STXBP2: variants seen among roughly 807,000 people sequenced by gnomAD.
STXBP2 encodes syntaxin-binding protein 2.
In STXBP2, 47 loss-of-function variants were observed where a neutral mutation model predicts 72.2. That is an observed-to-expected ratio of 0.65 (90% confidence interval 0.51 to 0.83). The LOEUF (loss-of-function observed/expected upper bound fraction) is 0.83, where lower values mean the gene tolerates loss of function less well. Among genes scored for constraint, STXBP2 ranks in the 40% least tolerant of loss-of-function variants. The pLI is 0.00. For synonymous variants in STXBP2, 367 were observed against 338.7 expected, an observed-to-expected ratio of 1.08 and a Z score of -0.92; for missense variants, 702 against 807.6, an observed-to-expected ratio of 0.87 and a Z score of 1.58.
At position 7,644,186 on chromosome 19, in the gene STXBP2, C is replaced by CCTGGGTGAGGGGTGGAGCCTT. The variant is rs1568469471; in HGVS notation, c.1108-428_1108-427insCTGGGTGAGGGGTGGAGCCTT. On this transcript the variant is annotated intron_variant, in intron 13 of 18. Coordinates refer to ENST00000221283, the MANE Select transcript of STXBP2 (RefSeq NM_006949.4). ...GGGACCTGGGTGAGGGGTGGAGCCT[C>CCTGGGTGAGGGGTGGAGCCTT]GGAGAGGTGGGACCTGGGTGAGGTG... 3.7e-4 allele frequency among the ~76,000 whole-genome samples: 14 copies of CCTGGGTGAGGGGTGGAGCCTT among 37,404 alleles called. 2 individuals carry two copies. Among genetic ancestry groups the CCTGGGTGAGGGGTGGAGCCTT allele is most frequent in the Non-Finnish European group, 5.2e-4 (11 of 21,148 alleles). The allele number at this position is 37,404 out of a possible 152,430, so 24.5% of individuals were successfully genotyped here.
intron 6 of STXBP2, chr19:7,641,298 A>G: frequency 2.0e-6 from 1 of 500,760 alleles, no homozygotes; most frequent in South Asian, 2.0e-5. Flanking sequence ...TGAGCCCGGG[A>G]GGTCGAGGCT....
intron 13 of STXBP2, chr19:7,644,354 C>T: frequency 3.7e-6 from 2 of 540,174 alleles, no homozygotes; most frequent in Non-Finnish European, 6.7e-6. Flanking sequence ...GGGGTGGAGC[C>T]TTGGAGAGGT....
upstream of STXBP2, chr19:7,633,554 C>T: frequency 2.5e-6 from 3 of 1,223,816 alleles, no homozygotes; most frequent in Non-Finnish European, 3.5e-6. Flanking sequence ...GTGGATTCCC[C>T]CCATCCCCAA....
Position 7,647,871 on chromosome 19 carries a change from C to A in STXBP2, c.*61C>A. 1 of 1,416,704 alleles carries A rather than the reference C, an allele frequency of 7.1e-7. No homozygotes were observed. The highest frequency in any genetic ancestry group is 9.9e-7 in the Non-Finnish European group (1 of 1,009,322). The allele number at this position is 1,416,704 out of a possible 1,614,324, so 87.8% of individuals were successfully genotyped here. On this transcript the variant is annotated 3_prime_UTR_variant, in exon 19 of 19. Coordinates refer to ENST00000221283, the MANE Select transcript of STXBP2 (RefSeq NM_006949.4). ...GAAATAAACTCTTCCCGTCGCTCTG[C>A]CAGCCAGTGCCTACCTCACCTTCTT...
the STXBP2 span, chr19:7,631,067 G>A: frequency 4.0e-6 from 3 of 744,932 alleles, no homozygotes; most frequent in Non-Finnish European, 4.2e-6. Flanking sequence ...ACTTAGCCAG[G>A]CATGGTGGCA....
intron 4 of STXBP2, 51 bp downstream of exon 4, chr19:7,639,858 G>A (rs770362548): frequency 6.4e-7 from 1 of 1,574,222 alleles, no homozygotes; most frequent in South Asian, 1.1e-5. Flanking sequence ...GTGTACATGT[G>A]CATGTGTGTG....
chr19:7,629,828 A>G, the STXBP2 span: 1 of 1,536,738 alleles, frequency 6.5e-7, no homozygotes, highest in Middle Eastern at 1.7e-4. Flanking sequence ...GACCGGGAGA[A>G]ACGAGATGGG....
chr19:7,640,353 T>TGG (rs1568465236), intron 4 of STXBP2: 1 of 562,030 alleles, frequency 1.8e-6, no homozygotes. Flanking sequence ...TATGCGTCTG[T>TGG]GCATGTGTGT....
chr19:7,638,850 G>C (rs2146206394), intron 2 of STXBP2, 75 bp downstream of exon 2: 3 of 1,603,544 alleles, frequency 1.9e-6, no homozygotes, highest in Non-Finnish European at 2.6e-6. Flanking sequence ...CTGAATGTGG[G>C]ACCCCCAAGA....
At chr19:7,634,734 G>A (rs922571328), upstream of STXBP2, among the ~76,000 whole-genome samples, 1 of 152,166 alleles carries the variant, frequency 6.6e-6, no homozygotes, top group African/African-American at 2.4e-5. Context: ...TGAAATGAAG[G>A]TGTTGGCAGA....
Position 7,640,899 on chromosome 19 carries a change from G to C in STXBP2, c.326-1G>C, listed in dbSNP as rs2031844309. 5.0e-6 allele frequency: 8 copies of C among 1,614,198 alleles called. No individual in the cohort carries two copies. The highest frequency in any genetic ancestry group is 4.2e-6 in the Non-Finnish European group (5 of 1,180,018). On this transcript the variant is annotated splice_acceptor_variant, in intron 5 of 18. Coordinates refer to ENST00000221283, the MANE Select transcript of STXBP2 (RefSeq NM_006949.4). LOFTEE classifies it high-confidence loss of function. Reference sequence around the variant, plus strand: ...GATGCCCCACTCCTGCCTCACCCCAGCCTGCCCCGAGCCCCTGTTCAGTGA... The same window carrying C: ...GATGCCCCACTCCTGCCTCACCCCACCCTGCCCCGAGCCCCTGTTCAGTGA...
chr19:7,637,285 T>C, intron 1 of STXBP2, 99 bp downstream of exon 1: 9 of 768,762 alleles, frequency 1.2e-5, no homozygotes, highest in Non-Finnish European at 1.4e-5. Flanking sequence ...GGCTGGGAGT[T>C]GGGGGCCGGG....
At chr19:7,633,299 G>A (rs1050619912), upstream of STXBP2, 12 of 1,139,870 alleles carry the variant, frequency 1.1e-5, no homozygotes, top group Non-Finnish European at 1.5e-5. Context: ...CTGGGTCAGG[G>A]GGTCCTAGGA....
intron 4 of STXBP2, chr19:7,640,464 ATC>A (rs780247737): frequency 3.3e-4 from 206 of 631,474 alleles, no homozygotes; most frequent in African/African-American, 2.1e-3. Flanking sequence ...ATGTGTGTGC[ATC>A]TCTGTGTGTG....
intron 4 of STXBP2, chr19:7,640,210 ATGTGTCTGCGTC>A (rs1406415555): frequency 1.9e-5 from 9 of 470,424 alleles, no homozygotes; most frequent in South Asian, 4.8e-5. Flanking sequence ...GTGTGTATGT[ATGTGTCTGCGTC>A]TGTGTGTGCG....
the STXBP2 span, chr19:7,630,252 G>A: frequency 2.2e-6 from 1 of 460,250 alleles, no homozygotes; most frequent in Non-Finnish European, 3.9e-6. Context: ...GTTTGGGGGT[G>A]CTCCCGGGAT....
chr19:7,632,103 G>A (rs2031338117), upstream of STXBP2: 2 of 565,238 alleles, frequency 3.5e-6, no homozygotes, highest in Non-Finnish European at 6.2e-6. The surrounding 1 kb of genome is among the most constrained non-coding windows in gnomAD (Gnocchi z 5.2). Flanking sequence ...CTTCCTCCCT[G>A]GGATACTTTC....
chr19:7,630,706 G>C, the STXBP2 span: 1 of 1,532,096 alleles, frequency 6.5e-7, no homozygotes, highest in Non-Finnish European at 8.8e-7. Flanking sequence ...GGGTGGGAGA[G>C]GGTGTGGGGC....
intron 4 of STXBP2, 108 bp from the exon 5 acceptor site, chr19:7,640,623 C>T: frequency 7.1e-7 from 1 of 1,408,218 alleles, no homozygotes; most frequent in Non-Finnish European, 1.0e-6. Flanking sequence ...ATGTCCCCGT[C>T]CGTCCATGTT....
Sources: allele counts gnomAD v4.1 joint callset (sites outside exome capture counted in the v4.1 genomes callset), GRCh38; gene constraint gnomAD v4.1.1; non-coding constraint Gnocchi (gnomAD v3.1); transcripts MANE v1.5; gene names NCBI Gene and HGNC (gene_info 2026-07-23, HGNC 2026-07-21).